The following AKAP6 variants were observed in gnomAD, a reference collection of about 807,000 sequenced individuals.
AKAP6 encodes the protein A-kinase anchor protein 6.
Under a neutral mutation model 188.5 loss-of-function variants are expected in AKAP6, and 58 were observed. The ratio of observed to expected loss-of-function variants is 0.31; its 90% CI spans 0.25 to 0.38. AKAP6 has a LOEUF of 0.38. Among genes scored for constraint, AKAP6 ranks in the 10% least tolerant of loss-of-function variants. The pLI is 1.00. For synonymous variants in AKAP6, 989 were observed against 998.6 expected (o/e 0.99, Z 0.18); for missense variants, 2,710 against 2,740.0 (o/e 0.99, Z 0.24).
chr14:32,684,676 AT>A (rs1889829879), intron 8 of AKAP6, among the ~76,000 whole-genome samples: 1 of 152,190 alleles, frequency 6.6e-6, no homozygotes, highest in South Asian at 2.1e-4. Context: ...TGATTGGGAC[AT>A]TTAACCTCAC....
chr14:32,513,088 G>A (rs1881340813), intron 2 of AKAP6, among the ~76,000 whole-genome samples: 1 of 152,090 alleles, frequency 6.6e-6, no homozygotes, highest in Non-Finnish European at 1.5e-5. Flanking sequence ...TGTATCTTAG[G>A]GTGTTGGGGT....
Position 32,568,905 on chromosome 14 carries a change from A to G in AKAP6, c.2347-8215A>G, listed in dbSNP as rs889438638. Among the ~76,000 whole-genome samples, 5 of 152,116 alleles carry G rather than the reference A, an allele frequency of 3.3e-5. No homozygotes were observed. Among genetic ancestry groups the G allele is most frequent in the African/African-American group, 7.2e-5 (3 of 41,424 alleles). On this transcript the variant is annotated intron_variant, in intron 4 of 13. Coordinates refer to ENST00000280979, the MANE Select transcript of AKAP6 (RefSeq NM_004274.5). The surrounding 1 kb of genome is among the most constrained non-coding windows in gnomAD (Gnocchi z 6.2). ...TACCTATTTTTATTAGACTTTGATG[A>G]TATGCATTCCAATCTTGTTTTGCCC...
Position 32,546,049 on chromosome 14 carries a change from A to T in AKAP6, c.1396A>T (p.Asn466Tyr). ...YECLHKVGNGNLENTVKFHIK... is the reference protein window; with the variant it reads ...YECLHKVGNGYLENTVKFHIK... ...GTGTTTACACAAGGTGGGGAATGGG[A>T]ACCTTGAAAACACAGTCAAATTTCA... The change falls in exon 4 of 14, where the codon AAC becomes TAC. Residue 466 changes from asparagine (N) to tyrosine (Y), a missense_variant. By Grantham distance (143) the Asn-to-Tyr change is moderately radical (BLOSUM62 -2). Transcript: ENST00000280979. The T allele has an allele frequency of 6.2e-7, 1 of 1,614,168 alleles. No individual in the cohort carries two copies. Among genetic ancestry groups the T allele is most frequent in the Non-Finnish European group, 8.5e-7 (1 of 1,180,022 alleles).
chr14:32,628,681 C>A (rs1044445441), intron 7 of AKAP6, among the ~76,000 whole-genome samples: 36 of 150,986 alleles, frequency 2.4e-4, no homozygotes, highest in African/African-American at 8.6e-4. Flanking sequence ...TATCTCCTTT[C>A]CTCCCTTTTT....
chr14:32,724,997 A>AAAAAAAAAAAC (rs2030775535), intron 9 of AKAP6, among the ~76,000 whole-genome samples: 1 of 146,902 alleles, frequency 6.8e-6, no homozygotes, highest in Non-Finnish European at 1.5e-5. Context: ...ACCTAAAAAA[A>AAAAAAAAAAAC]AAAAAAAAAA....
chr14:32,576,604 G>A (rs1006773674), intron 4 of AKAP6, among the ~76,000 whole-genome samples: 3 of 152,064 alleles, frequency 2.0e-5, no homozygotes, highest in African/African-American at 7.2e-5. Context: ...GACAGAACTC[G>A]TCCAAGGACC....
chr14:32,377,950 T>A (rs1188307529), intron 1 of AKAP6, among the ~76,000 whole-genome samples: 1 of 152,128 alleles, frequency 6.6e-6, no homozygotes, highest in Non-Finnish European at 1.5e-5. Flanking sequence ...ATATTGAAAA[T>A]TATGCAGAGA....
rs2031351787 is a variant in AKAP6 at position 32,735,098 on chromosome 14, TCAA to T, written c.3148-554_3148-552del. ...TGAACAATTTCCAAGTCAGGTAAAA[TCAA>T]CAACATCACCAAGGAGGCTTCCTTT... On this transcript the variant is annotated intron_variant, in intron 10 of 13. Coordinates refer to ENST00000280979, the MANE Select transcript of AKAP6 (RefSeq NM_004274.5). Among the ~76,000 whole-genome samples, 7 of 152,204 alleles carry T rather than the reference TCAA, an allele frequency of 4.6e-5. No homozygotes were observed. In the South Asian group the frequency reaches 1.5e-3, roughly 32 times the overall value.
chr14:32,619,481 T>C (rs1388059842), intron 7 of AKAP6, among the ~76,000 whole-genome samples: 1 of 152,212 alleles, frequency 6.6e-6, no homozygotes, highest in African/African-American at 2.4e-5. Context: ...CAGTTGGTTG[T>C]AAGTATTTGC....
chr14:32,510,404 G>GTGTATA (rs368983684), intron 2 of AKAP6, among the ~76,000 whole-genome samples: 7 of 74,732 alleles, frequency 9.4e-5, no homozygotes, highest in African/African-American at 2.4e-4. Flanking sequence ...GTATATATAT[G>GTGTATA]TATATATATG....
chr14:32,406,101 G>A lies in AKAP6; in HGVS notation c.-34-27359G>A, dbSNP rs1025352128. On this transcript the variant is annotated intron_variant, in intron 1 of 13. Coordinates refer to ENST00000280979, the MANE Select transcript of AKAP6 (RefSeq NM_004274.5). The stretch of plus-strand genomic sequence containing the variant: ...AAACTTGAATGGTTCTAGACCCTTA[G>A]AATGTATCCTGGGAAGGAGTGTAGC... 3.3e-5 allele frequency among the ~76,000 whole-genome samples: 5 copies of A among 152,338 alleles called. No homozygotes were observed. The East Asian group carries it at 7.7e-4, about 24-fold the overall frequency.
chr14:32,592,671 T>C (rs1204021896), intron 5 of AKAP6, among the ~76,000 whole-genome samples: 1 of 152,176 alleles, frequency 6.6e-6, no homozygotes, highest in Admixed American at 6.5e-5. Flanking sequence ...AGAGTCTTAA[T>C]GTCAGAGCTG....
Position 32,597,299 on chromosome 14 carries a change from A to C in AKAP6, c.2470-2111A>C, listed in dbSNP as rs78574968. 3.1e-4 allele frequency among the ~76,000 whole-genome samples: 47 copies of C among 152,332 alleles called. No individual in the cohort carries two copies. The East Asian group carries it at 8.3e-3, about 27-fold the overall frequency. On this transcript the variant is annotated intron_variant, in intron 5 of 13. Transcript: ENST00000280979. ...AACTATTCAAAACAGGTCTATTGTA[A>C]GTAAACAGTGAATCAAAGAGAGCCC... is the stretch of plus-strand genomic sequence containing the variant.
intron 2 of AKAP6, among the ~76,000 whole-genome samples, chr14:32,473,309 G>A (rs1878880843): frequency 6.6e-6 from 1 of 152,228 alleles, no homozygotes; most frequent in South Asian, 2.1e-4. Context: ...TACTTCAGAG[G>A]CTGCCCACAG....
intron 2 of AKAP6, among the ~76,000 whole-genome samples, chr14:32,503,981 T>A (rs1055255129): frequency 6.6e-6 from 1 of 151,822 alleles, no homozygotes; most frequent in Non-Finnish European, 1.5e-5. Context: ...ATATATTAAT[T>A]ATTTTATAAG....
chr14:32,667,911 T>C (rs900797922), intron 7 of AKAP6, among the ~76,000 whole-genome samples: 1 of 152,132 alleles, frequency 6.6e-6, no homozygotes, highest in African/African-American at 2.4e-5. Flanking sequence ...ATAGAGTTAA[T>C]AGCAGTGTTT....
At chr14:32,347,979 G>T (rs543046384) in intron 1 of AKAP6, among the ~76,000 whole-genome samples, 2 of 152,182 alleles carry the variant, frequency 1.3e-5, no homozygotes, top group Non-Finnish European at 2.9e-5. Flanking sequence ...AGGAAATCGG[G>T]ATACATTTTC....
intron 2 of AKAP6, among the ~76,000 whole-genome samples, chr14:32,513,156 C>A (rs556175304): frequency 1.3e-5 from 2 of 152,272 alleles, no homozygotes; most frequent in African/African-American, 4.8e-5. Flanking sequence ...GTCCATAGAA[C>A]TATCTCCTCC....
chr14:32,402,135 T>C (rs1889115327), intron 1 of AKAP6: 1 of 152,246 alleles, frequency 6.6e-6, no homozygotes, highest in African/African-American at 2.4e-5. Context: ...CCTCCGGCCA[T>C]GGAGAGGTAA....
Sources: allele counts gnomAD v4.1 joint callset (sites outside exome capture counted in the v4.1 genomes callset), GRCh38; gene constraint gnomAD v4.1.1; non-coding constraint Gnocchi (gnomAD v3.1); transcripts MANE v1.5; gene names NCBI Gene and HGNC (gene_info 2026-07-23, HGNC 2026-07-21).